DOCK8: variants seen among roughly 807,000 people sequenced by gnomAD.
DOCK8 encodes dedicator of cytokinesis 8.
In DOCK8, 141 loss-of-function variants were observed where a neutral mutation model predicts 245.6. The ratio of observed to expected loss-of-function variants is 0.57; its 90% confidence interval spans 0.50 to 0.66. The LOEUF is 0.66. Among genes scored for constraint, DOCK8 ranks in the 30% least tolerant of loss-of-function variants. The pLI is 0.00. For synonymous variants in DOCK8, 1,168 were observed against 970.2 expected, an observed-to-expected ratio of 1.20 and a Z score of -3.79; for missense variants, 2,965 against 2,603.4, an observed-to-expected ratio of 1.14 and a Z score of -3.02.
intron 26 of DOCK8, among the ~76,000 whole-genome samples, chr9:401,295 A>C (rs773126858): frequency 1.2e-4 from 18 of 152,334 alleles, no homozygotes; most frequent in African/African-American, 4.1e-4. Context: ...CAGCACTTGG[A>C]CAGGGTTACA....
chr9:425,494 T>G (rs1034671889), intron 33 of DOCK8, among the ~76,000 whole-genome samples: 1 of 131,930 alleles, frequency 7.6e-6, no homozygotes, highest in African/African-American at 3.6e-5. Flanking sequence ...ATTGCGCCAC[T>G]GCACTCTGCA....
At chr9:312,833 GGC>G in intron 6 of DOCK8, 1 of 209,402 alleles carries the variant, frequency 4.8e-6, no homozygotes, top group Admixed American at 5.3e-5. Context: ...CTGTATAGGA[GGC>G]TCTCAGTTTT....
Position 376,973 on chromosome 9 carries a change from G to T in DOCK8, c.2206-4G>T, listed in dbSNP as rs376633022. On this transcript the variant is annotated splice_polypyrimidine_tract_variant and splice_region_variant and intron_variant, in intron 19 of 47. Coordinates refer to ENST00000432829, the MANE Select transcript of DOCK8 (RefSeq NM_203447.4). ...CCCATGAGGCCTGCCTTCTCCCTTC[G>T]CAGGACAACCACCTGGAGAAGTTCT... 1.9e-6 allele frequency: 3 copies of T among 1,613,232 alleles called. No individual in the cohort carries two copies. Among genetic ancestry groups the T allele is most frequent in the South Asian group, 1.1e-5 (1 of 90,934 alleles).
chr9:410,355 C>G (rs2055664778), intron 28 of DOCK8, among the ~76,000 whole-genome samples: 1 of 152,074 alleles, frequency 6.6e-6, no homozygotes, highest in Non-Finnish European at 1.5e-5. Context: ...AATGTTGTGA[C>G]TGTGACATCC....
Position 434,982 on chromosome 9 carries a change from T to C in DOCK8, c.5079+7T>C, listed in dbSNP as rs921026156. ...GGGCAGTGTCAGCTTCCAGGTAGGG[T>C]GTGTGCAGCTTTTCCCTTAGAGCAG... On this transcript the variant is annotated splice_region_variant and intron_variant, in intron 39 of 47. Transcript: ENST00000432829. The C allele has an allele frequency of 6.2e-7, 1 of 1,611,852 alleles. No homozygotes were observed. The highest frequency in any genetic ancestry group is 8.5e-7 in the Non-Finnish European group (1 of 1,179,932).
chr9:344,156 A>G (rs908760908), intron 14 of DOCK8, among the ~76,000 whole-genome samples: 2 of 152,140 alleles, frequency 1.3e-5, no homozygotes, highest in African/African-American at 2.4e-5. Context: ...CCCTGTTAGA[A>G]ACCAGGTCTT....
In DOCK8 at chr9:430,090, A is replaced by G. The variant is rs113528780; in HGVS notation, c.4626+236A>G. Among the ~76,000 whole-genome samples, 1,207 of 152,352 alleles carry G rather than the reference A, an allele frequency of 7.9e-3. 14 individuals carry two copies. Among genetic ancestry groups the G allele is most frequent in the African/African-American group, 0.027 (1,116 of 41,576 alleles). On this transcript the variant is annotated intron_variant, in intron 36 of 47. Transcript: ENST00000432829. ...CAGTGTGTTTCTAAAATAGACAGCC[A>G]GGGGCCAGGAACGATGGCTTTCACC... is the stretch of plus-strand genomic sequence containing the variant.
At chr9:313,588 G>A (rs911180859) in intron 6 of DOCK8, among the ~76,000 whole-genome samples, 31 of 152,194 alleles carry the variant, frequency 2.0e-4, no homozygotes, top group African/African-American at 7.2e-4. Flanking sequence ...AGAGTAGAAA[G>A]GTGGTTATAG....
chr9:219,919 T>G (rs1484645020), intron 1 of DOCK8, among the ~76,000 whole-genome samples: 5 of 152,034 alleles, frequency 3.3e-5, no homozygotes, highest in Admixed American at 6.6e-5. Context: ...ACAAACCCAA[T>G]AATTTTGGGC....
intron 1 of DOCK8, among the ~76,000 whole-genome samples, chr9:258,122 T>C (rs1385776264): frequency 6.6e-6 from 1 of 152,062 alleles, no homozygotes; most frequent in African/African-American, 2.4e-5. Context: ...CAAAGCAAAC[T>C]CACAAAGAAG....
intron 39 of DOCK8, among the ~76,000 whole-genome samples, chr9:436,626 A>G (rs1011577297): frequency 2.6e-5 from 4 of 152,242 alleles, no homozygotes; most frequent in Admixed American, 2.0e-4. Flanking sequence ...AATTTTACCT[A>G]GAATTCAGTT....
intron 11 of DOCK8, among the ~76,000 whole-genome samples, chr9:334,804 G>A (rs1056341686): frequency 6.6e-6 from 1 of 152,116 alleles, no homozygotes; most frequent in African/African-American, 2.4e-5. Context: ...AACAGGAACA[G>A]GGCGTGGTGG....
intron 46 of DOCK8, chr9:452,480 A>C (rs931232451): frequency 5.7e-6 from 1 of 174,840 alleles, no homozygotes; most frequent in Non-Finnish European, 1.2e-5. Context: ...CAAAAGAGGA[A>C]TCAGAGGTTC....
intron 2 of DOCK8, among the ~76,000 whole-genome samples, chr9:279,112 G>T (rs1422803115): frequency 1.3e-5 from 2 of 152,214 alleles, no homozygotes; most frequent in African/African-American, 4.8e-5. Flanking sequence ...GATATGTAGA[G>T]TGTAGGAGAA....
At chr9:310,019 G>A (rs1055753933) in intron 5 of DOCK8, among the ~76,000 whole-genome samples, 2 of 152,212 alleles carry the variant, frequency 1.3e-5, no homozygotes, top group Admixed American at 1.3e-4. Context: ...TGTAATCCCA[G>A]CACTTTGGGA....
intron 5 of DOCK8, among the ~76,000 whole-genome samples, chr9:308,368 G>A (rs2049941316): frequency 6.6e-6 from 1 of 152,152 alleles, no homozygotes; most frequent in Non-Finnish European, 1.5e-5. Context: ...GAGCCAAATT[G>A]TACAAAAGTT....
At chr9:428,966 T>G (rs2056602379) in intron 35 of DOCK8, among the ~76,000 whole-genome samples, 2 of 152,144 alleles carry the variant, frequency 1.3e-5, no homozygotes, top group Admixed American at 6.5e-5. Flanking sequence ...TTCCCTTTAT[T>G]TATTTATTTA....
At chr9:371,826 A>T (rs560573251) in intron 17 of DOCK8, among the ~76,000 whole-genome samples, 38 of 152,360 alleles carry the variant, frequency 2.5e-4, no homozygotes, top group African/African-American at 9.1e-4. Flanking sequence ...CACTATTTCC[A>T]AATTTAATAT....
At chr9:439,519 AG>A in intron 40 of DOCK8, 131 bp downstream of exon 40, 1 of 1,235,060 alleles carries the variant, frequency 8.1e-7, no homozygotes, top group Non-Finnish European at 1.1e-6. Flanking sequence ...TGTGCGGGGC[AG>A]GGGATGGGCC....
Sources: allele counts gnomAD v4.1 joint callset (sites outside exome capture counted in the v4.1 genomes callset), GRCh38; gene constraint gnomAD v4.1.1; transcripts MANE v1.5; gene names NCBI Gene and HGNC (gene_info 2026-07-23, HGNC 2026-07-21).